The following ZFYVE16 variants were observed in gnomAD, a reference collection of about 807,000 sequenced individuals.
ZFYVE16 encodes the protein zinc finger FYVE domain-containing protein 16.
Under a neutral mutation model 138.1 loss-of-function variants are expected in ZFYVE16, and 89 were observed. That is an observed-to-expected ratio of 0.64 (90% CI 0.54 to 0.77). ZFYVE16 has a LOEUF of 0.77. ZFYVE16 is among the 30% of genes least tolerant of loss of function. The pLI is 0.00. For synonymous variants in ZFYVE16, 596 were observed against 618.3 expected (o/e 0.96, Z 0.53); for missense variants, 1,793 against 1,786.7 (o/e 1.00, Z -0.06).
rs375407468 is a variant in ZFYVE16, at chr5:80,427,967, A to G, written c.-40+422A>G. Among the ~76,000 whole-genome samples, 640 of 99,902 alleles carry G rather than the reference A, an allele frequency of 6.4e-3. 4 individuals carry two copies. The highest frequency in any genetic ancestry group is 0.02 in the African/African-American group (590 of 29,316). 65.5% of individuals were successfully genotyped at this position (99,902 alleles called of 152,430 possible). On this transcript the variant is annotated intron_variant, in intron 2 of 18. Transcript: ENST00000505560. The stretch of plus-strand genomic sequence containing the variant: ...AGCATGCGTGACAGAGCGAGACTCC[A>G]TCTCAAAAAAAAAAAAAAAAAAAAA...
rs1201923802 is a variant in ZFYVE16, at chr5:80,483,020, AC to A, written c.*5645del. On this transcript the variant is annotated 3_prime_UTR_variant, in exon 19 of 19. Transcript: ENST00000505560. ...GTAGCTGGGATTACAGGTGCGTGGT[AC>A]CACGCCCAGCTAATTTTTTTATGTT... The A allele has an allele frequency of 6.6e-6, 1 of 152,130 alleles. No individual in the cohort carries two copies. Among genetic ancestry groups the A allele is most frequent in the African/African-American group, 2.4e-5 (1 of 41,432 alleles). 9.4% of individuals were successfully genotyped at this position (152,130 alleles called of 1,614,324 possible). A position where few individuals can be genotyped will look rare whatever the true frequency, so the allele number is the denominator to read the frequency against.
intron 1 of ZFYVE16, among the ~76,000 whole-genome samples, chr5:80,416,807 T>C (rs1746325825): frequency 6.6e-6 from 1 of 152,154 alleles, no homozygotes; most frequent in Non-Finnish European, 1.5e-5. Flanking sequence ...TGTTGGAGAA[T>C]TTTATTAGAA....
chr5:80,479,888 C>G lies in ZFYVE16; in HGVS notation c.*2511C>G, dbSNP rs1755200421. ...TTTCACCTTTAGGATGATAATGAATCAGAGGTGGAAGAACCAATGTAAAAG... is the reference window on the plus strand; with the variant it reads ...TTTCACCTTTAGGATGATAATGAATGAGAGGTGGAAGAACCAATGTAAAAG... On this transcript the variant is annotated 3_prime_UTR_variant, in exon 19 of 19. Coordinates refer to ENST00000505560, the MANE Select transcript of ZFYVE16 (RefSeq NM_001284236.3). 6.6e-6 allele frequency among the ~76,000 whole-genome samples: 1 copy of G among 152,136 alleles called. No individual in the cohort carries two copies. Among genetic ancestry groups the G allele is most frequent in the African/African-American group, 2.4e-5 (1 of 41,426 alleles).
chr5:80,464,382 C>G (rs913188416), intron 15 of ZFYVE16, among the ~76,000 whole-genome samples: 16 of 152,150 alleles, frequency 1.1e-4, no homozygotes, highest in African/African-American at 3.9e-4. Flanking sequence ...ATAAAACCAT[C>G]AGATCTTGCA....
At chr5:80,416,516 A>G (rs954388356) in intron 1 of ZFYVE16, among the ~76,000 whole-genome samples, 1 of 151,124 alleles carries the variant, frequency 6.6e-6, no homozygotes, top group Non-Finnish European at 1.5e-5. Flanking sequence ...CGGCCTCCCA[A>G]AGTGCTGGGA....
At chr5:80,474,275 C>T (rs1447783045) in intron 17 of ZFYVE16, among the ~76,000 whole-genome samples, 1 of 151,856 alleles carries the variant, frequency 6.6e-6, no homozygotes, top group African/African-American at 2.4e-5. Flanking sequence ...CTTAGTCTAC[C>T]TCCTTATTCC....
chr5:80,465,416 T>TTTTTG (rs1208164538), intron 15 of ZFYVE16, among the ~76,000 whole-genome samples: 16 of 124,522 alleles, frequency 1.3e-4, no homozygotes, highest in African/African-American at 3.7e-4. Flanking sequence ...TTTTTTTTTT[T>TTTTTG]TTTTTTTTGA....
rs768135258 is a variant in ZFYVE16 at position 80,477,385 on chromosome 5, A to C, written c.*8A>C. On this transcript the variant is annotated 3_prime_UTR_variant, in exon 19 of 19. Coordinates refer to ENST00000505560, the MANE Select transcript of ZFYVE16 (RefSeq NM_001284236.3). ...ATAGAACATCTTTTTTAGTGAAAGA[A>C]TGTGCCATATTACATATTGCAACCT... The C allele has an allele frequency of 2.5e-6, 4 of 1,602,200 alleles. No individual in the cohort carries two copies. The highest frequency in any genetic ancestry group is 2.3e-5 in the South Asian group (2 of 88,814).
chr5:80,422,696 G>T (rs1055900491), intron 1 of ZFYVE16, among the ~76,000 whole-genome samples: 1 of 152,028 alleles, frequency 6.6e-6, no homozygotes, highest in African/African-American at 2.4e-5. Context: ...CTTGTGATCT[G>T]CCCGTCTCAG....
At chr5:80,412,969 G>GTT (rs1419921445) in intron 1 of ZFYVE16, among the ~76,000 whole-genome samples, 1 of 151,998 alleles carries the variant, frequency 6.6e-6, no homozygotes, top group African/African-American at 2.4e-5. Context: ...CAGCCCAGGA[G>GTT]TTTGAGACCA....
chr5:80,470,084 TG>T (rs1274020404), intron 15 of ZFYVE16, among the ~76,000 whole-genome samples: 1 of 75,250 alleles, frequency 1.3e-5, no homozygotes, highest in Non-Finnish European at 3.0e-5. Context: ...TGTGTGTGTG[TG>T]TGTGTGTGTG....
intron 15 of ZFYVE16, among the ~76,000 whole-genome samples, chr5:80,464,949 TCTCTA>T (rs755953099): frequency 6.6e-5 from 10 of 152,200 alleles, no homozygotes; most frequent in African/African-American, 1.7e-4. Context: ...TATCGTTTCC[TCTCTA>T]CTCCTTTGTG....
intron 1 of ZFYVE16, among the ~76,000 whole-genome samples, chr5:80,420,066 C>A (rs1316256060): frequency 6.7e-6 from 1 of 150,094 alleles, no homozygotes; most frequent in Non-Finnish European, 1.5e-5. Context: ...CACCTTGGCC[C>A]CCCAAAGTGC....
intron 1 of ZFYVE16, among the ~76,000 whole-genome samples, chr5:80,421,772 A>G (rs951452403): frequency 2.0e-5 from 3 of 152,138 alleles, no homozygotes; most frequent in Non-Finnish European, 4.4e-5. Context: ...TGTCTCGGCA[A>G]TGCGGGCCCT....
intron 3 of ZFYVE16, among the ~76,000 whole-genome samples, chr5:80,434,605 GGGACCATA>G (rs1337498966): frequency 8.6e-5 from 13 of 152,014 alleles, no homozygotes; most frequent in Admixed American, 2.6e-4. Context: ...GCCTCCAAGT[GGGACCATA>G]GGTGCATGCC....
Position 80,458,893 on chromosome 5 carries a change from C to T in ZFYVE16, c.3944-521C>T, listed in dbSNP as rs547905251. ...ATAGGCACAAACATTTAAAACAGTACAATACTCCATCAATTATTAATAAAA... is the reference window on the plus strand; with the variant it reads ...ATAGGCACAAACATTTAAAACAGTATAATACTCCATCAATTATTAATAAAA... On this transcript the variant is annotated intron_variant, in intron 14 of 18. Coordinates refer to ENST00000505560, the MANE Select transcript of ZFYVE16 (RefSeq NM_001284236.3). 3.3e-5 allele frequency among the ~76,000 whole-genome samples: 5 copies of T among 152,304 alleles called. No individual in the cohort carries two copies. In the East Asian group the frequency reaches 5.8e-4, roughly 18 times the overall value.
In ZFYVE16 at chr5:80,459,591, A is replaced by G. The variant is rs530390201; in HGVS notation, c.4024+97A>G. On this transcript the variant is annotated intron_variant, in intron 15 of 18. Transcript: ENST00000505560. ...ATTTACACAAGAACATATGTAAGTT[A>G]TAAAGCACAGTACCACAAACTTACA... The G allele has an allele frequency of 1.9e-4, 199 of 1,063,028 alleles. 1 individual carries two copies. Among genetic ancestry groups the G allele is most frequent in the South Asian group, 7.5e-4 (46 of 61,518 alleles). 65.8% of individuals were successfully genotyped at this position (1,063,028 alleles called of 1,614,324 possible). A position where few individuals can be genotyped will look rare whatever the true frequency, so the allele number is the denominator to read the frequency against.
chr5:80,447,266 CAAAAAAAAA>C (rs56836828), intron 7 of ZFYVE16, among the ~76,000 whole-genome samples: 1 of 69,286 alleles, frequency 1.4e-5, no homozygotes, highest in Non-Finnish European at 2.9e-5. Context: ...GACTCCATCT[CAAAAAAAAA>C]AAAAAAAAAA....
chr5:80,443,072 T>C, intron 5 of ZFYVE16, 51 bp from the exon 6 acceptor site: 1 of 1,461,264 alleles, frequency 6.8e-7, no homozygotes, highest in Non-Finnish European at 9.0e-7. Flanking sequence ...TACTTTGAAG[T>C]AAATTCCAAA....
Sources: allele counts gnomAD v4.1 joint callset (sites outside exome capture counted in the v4.1 genomes callset), GRCh38; gene constraint gnomAD v4.1.1; transcripts MANE v1.5; gene names NCBI Gene and HGNC (gene_info 2026-07-23, HGNC 2026-07-21).